The following TMPRSS15 variants were observed in gnomAD, a reference collection of about 807,000 sequenced individuals.
TMPRSS15 encodes the protein enteropeptidase.
In TMPRSS15, 128 loss-of-function variants were observed where a neutral mutation model predicts 125.3. The observed-to-expected ratio is 1.02, with a 90% confidence interval of 0.89 to 1.18. The LOEUF is 1.18. Ranked by LOEUF, TMPRSS15 falls within the 50% of genes most tolerant of loss-of-function variation. The pLI is 0.00. For missense variants in TMPRSS15, 1,283 were observed against 1,212.7 expected (o/e 1.06, Z -0.86); for synonymous variants, 446 against 423.2 (o/e 1.05, Z -0.66).
chr21:18,438,324 T>G (rs1309307423), intron 1 of TMPRSS15, among the ~76,000 whole-genome samples: 10 of 97,874 alleles, frequency 1.0e-4, no homozygotes, highest in Middle Eastern at 8.2e-3. Context: ...TGGGGACTGT[T>G]GTGGGGTGGG....
chr21:18,351,132 T>A (rs1315164462), intron 10 of TMPRSS15, among the ~76,000 whole-genome samples: 1 of 152,140 alleles, frequency 6.6e-6, no homozygotes, highest in Admixed American at 6.6e-5. Context: ...TCACAATTTA[T>A]GTTAAATCAA....
At chr21:18,400,027 A>G (rs62214998) in intron 1 of TMPRSS15, among the ~76,000 whole-genome samples, 10 of 152,096 alleles carry the variant, frequency 6.6e-5, no homozygotes, top group Non-Finnish European at 1.2e-4. Context: ...CACCAAGGAT[A>G]TAAAAGAGAC....
At chr21:18,345,740 C>CAAAAA (rs1235619873) in intron 10 of TMPRSS15, among the ~76,000 whole-genome samples, 156 of 15,560 alleles carry the variant, frequency 0.01, 31 homozygotes, top group African/African-American at 0.024. Context: ...GACTCCGTCT[C>CAAAAA]AAAAAAAAAA....
In TMPRSS15 at chr21:18,341,469, T is replaced by C; in HGVS notation, c.1508A>G (p.Asn503Ser). Residue 503 changes from asparagine (N) to serine (S), a missense_variant, in exon 13 of 25, where the codon AAT becomes AGT. Asn to Ser is a conservative substitution (Grantham distance 46). Transcript: ENST00000284885. The stretch of plus-strand genomic sequence containing the variant: ...AGTTGGTTCTGGATAAAGACTCCCA[T>C]TGCAAATCCCATATGTTAGGCTAAT... The part of the protein sequence containing the change: ...DDISLTYGIC[N>S]GSLYPEPTLV... The C allele has an allele frequency of 1.2e-6, 2 of 1,614,192 alleles. No homozygotes were observed. The highest frequency in any genetic ancestry group is 1.7e-6 in the Non-Finnish European group (2 of 1,180,020).
At chr21:18,470,260 C>T (rs1373437517) in intron 1 of TMPRSS15, among the ~76,000 whole-genome samples, 1 of 151,876 alleles carries the variant, frequency 6.6e-6, no homozygotes, top group Non-Finnish European at 1.5e-5. Flanking sequence ...TAACTTTTTT[C>T]TTGCATACTA....
At chr21:18,298,473 C>T (rs1386472241) in intron 18 of TMPRSS15, among the ~76,000 whole-genome samples, 2 of 152,192 alleles carry the variant, frequency 1.3e-5, no homozygotes, top group Admixed American at 6.5e-5. Context: ...GAGAGAGACA[C>T]CTCTGTGTGA....
intron 1 of TMPRSS15, among the ~76,000 whole-genome samples, chr21:18,427,795 G>GC (rs1212770188): frequency 3.3e-5 from 5 of 152,026 alleles, no homozygotes; most frequent in Non-Finnish European, 5.9e-5. Context: ...TCCCAAATGT[G>GC]GATAAGGCAA....
intron 4 of TMPRSS15, 61 bp downstream of exon 4, chr21:18,383,566 T>C: frequency 6.3e-7 from 1 of 1,581,384 alleles, no homozygotes; most frequent in East Asian, 2.2e-5. Context: ...CCTGGTATAT[T>C]GCTAGAATTT....
intron 1 of TMPRSS15, among the ~76,000 whole-genome samples, chr21:18,452,974 T>C (rs1039064007): frequency 6.6e-6 from 1 of 152,160 alleles, no homozygotes; most frequent in African/African-American, 2.4e-5. Flanking sequence ...ATCTACCATC[T>C]TAACAAAGTT....
chr21:18,401,283 T>A (rs1333762690), intron 1 of TMPRSS15, among the ~76,000 whole-genome samples: 3 of 152,132 alleles, frequency 2.0e-5, no homozygotes, highest in Non-Finnish European at 4.4e-5. Flanking sequence ...CGCACTCACA[T>A]GTTCATCACA....
At chr21:18,396,590 T>C (rs552116439) in intron 3 of TMPRSS15, among the ~76,000 whole-genome samples, 45 of 151,918 alleles carry the variant, frequency 3.0e-4, no homozygotes, top group Middle Eastern at 3.4e-3. Flanking sequence ...TTGGCTAACA[T>C]GGTGAAACAG....
At chr21:18,272,709 G>A (rs991602903) in intron 24 of TMPRSS15, among the ~76,000 whole-genome samples, 6 of 151,990 alleles carry the variant, frequency 3.9e-5, no homozygotes, top group Middle Eastern at 3.4e-3. Flanking sequence ...TGGGCAATAA[G>A]AGCAAAACTC....
At chr21:18,299,077 A>C (rs2146908503) in intron 18 of TMPRSS15, among the ~76,000 whole-genome samples, 1 of 152,352 alleles carries the variant, frequency 6.6e-6, no homozygotes, top group Non-Finnish European at 1.5e-5. Context: ...GAAACACACA[A>C]AGCCATTACC....
At chr21:18,397,970 T>G (rs1012832403) in intron 2 of TMPRSS15, 24 bp from the exon 3 acceptor site, 1 of 1,366,366 alleles carries the variant, frequency 7.3e-7, no homozygotes, top group Admixed American at 1.9e-5. Flanking sequence ...AAAGATTGAA[T>G]GAGTATACTA....
At chr21:18,291,847 C>A (rs1237085337) in intron 21 of TMPRSS15, among the ~76,000 whole-genome samples, 2 of 152,040 alleles carry the variant, frequency 1.3e-5, no homozygotes, top group African/African-American at 2.4e-5. Flanking sequence ...TACAACTTAC[C>A]TTTGCTTGTG....
intron 21 of TMPRSS15, among the ~76,000 whole-genome samples, chr21:18,286,174 G>A (rs1371307221): frequency 1.3e-5 from 2 of 151,904 alleles, no homozygotes; most frequent in East Asian, 1.9e-4. Flanking sequence ...TTCACTCTCC[G>A]TTCCTCCTCA....
intron 1 of TMPRSS15, among the ~76,000 whole-genome samples, chr21:18,434,277 T>C (rs1286043741): frequency 6.6e-6 from 1 of 152,182 alleles, no homozygotes; most frequent in Non-Finnish European, 1.5e-5. Flanking sequence ...CACACAGAGA[T>C]ACATGCACAT....
chr21:18,333,903 C>G (rs1270989906), intron 13 of TMPRSS15, among the ~76,000 whole-genome samples: 4 of 151,966 alleles, frequency 2.6e-5, no homozygotes, highest in Non-Finnish European at 4.4e-5. Flanking sequence ...ATTCTTGTTA[C>G]CATTATTATG....
chr21:18,376,212 T>TA lies in TMPRSS15; in HGVS notation c.532+3070dup, dbSNP rs397710323. Among the ~76,000 whole-genome samples, 1,094 of 150,702 alleles carry TA rather than the reference T, an allele frequency of 7.3e-3. 9 individuals are homozygous for TA. The highest frequency in any genetic ancestry group is 0.011 in the Non-Finnish European group (713 of 67,574). Reference sequence around the variant, plus strand: ...TAGAACAAATCTAGTTTTTTTTTTTTAAATTTTATTGTAAGCAAGACTATG... The same window carrying TA: ...TAGAACAAATCTAGTTTTTTTTTTTTAAAATTTTATTGTAAGCAAGACTATG... On this transcript the variant is annotated intron_variant, in intron 5 of 24. Coordinates refer to ENST00000284885, the MANE Select transcript of TMPRSS15 (RefSeq NM_002772.3).
Sources: gnomAD v4.1 joint callset for allele counts (sites outside exome capture counted in the v4.1 genomes callset) on GRCh38, gnomAD v4.1.1 for gene constraint, MANE v1.5 for transcripts, NCBI Gene and HGNC (gene_info 2026-07-23, HGNC 2026-07-21) for gene names.